Variants in PCDH15 observed in about 807,000 individuals in gnomAD.
PCDH15 encodes the protein protocadherin related 15.
PCDH15 carries 129 observed loss-of-function variants against 178.5 expected under a neutral mutation model. That is an observed-to-expected ratio of 0.72 (90% CI 0.63 to 0.84). The LOEUF is 0.84. Among genes scored for constraint, PCDH15 ranks in the 40% least tolerant of loss-of-function variants. PCDH15 has a pLI of 0.00. For missense variants in PCDH15, 2,230 were observed against 2,099.9 expected (o/e 1.06, Z -1.21); for synonymous variants, 800 against 732.0 (o/e 1.09, Z -1.50).
chr10:54,490,659 G>T (rs16906201), intron 3 of PCDH15, among the ~76,000 whole-genome samples: 1 of 151,878 alleles, frequency 6.6e-6, no homozygotes, highest in Non-Finnish European at 1.5e-5. Flanking sequence ...CATCCCACCC[G>T]ATCCGCTGAA....
chr10:54,934,305 C>A (rs974828237), intron 2 of PCDH15, among the ~76,000 whole-genome samples: 1 of 151,900 alleles, frequency 6.6e-6, no homozygotes, highest in African/African-American at 2.4e-5. Context: ...GAGAGAGGAC[C>A]AGAAAATATT....
At chr10:54,377,789 C>A (rs1948662630) in intron 4 of PCDH15, among the ~76,000 whole-genome samples, 1 of 152,076 alleles carries the variant, frequency 6.6e-6, no homozygotes, top group Admixed American at 6.6e-5. Flanking sequence ...AATCCACTAC[C>A]CTCTGCCCCT....
intron 5 of PCDH15, among the ~76,000 whole-genome samples, chr10:54,347,787 C>T (rs1718801803): frequency 6.6e-6 from 1 of 152,082 alleles, no homozygotes; most frequent in Admixed American, 6.5e-5. Context: ...GCTACCAAGT[C>T]TTCTAATATT....
rs374838856 is a variant in PCDH15, at chr10:54,079,409, G to A, written c.2013C>T (p.Thr671=). Residue 671 remains threonine, a synonymous_variant, in exon 17 of 38, where the codon ACC becomes ACT. Coordinates refer to ENST00000644397, the MANE Select transcript of PCDH15 (RefSeq NM_001384140.1). ...TTTCCCTGTCCAGTGCTTTCCCTAAGGTTAGAATCCCCGTGCTAGTGACAA... is the reference window on the plus strand; with the variant it reads ...TTTCCCTGTCCAGTGCTTTCCCTAAAGTTAGAATCCCCGTGCTAGTGACAA... The part of the protein sequence containing the change: ...FNLSETTGIL[T]LGKALDREST... 1.2e-6 allele frequency: 2 copies of A among 1,614,010 alleles called. No homozygotes were observed. Among genetic ancestry groups the A allele is most frequent in the Admixed American group, 1.7e-5 (1 of 60,006 alleles).
At chr10:54,934,065 A>T (rs1646065225) in intron 2 of PCDH15, among the ~76,000 whole-genome samples, 1 of 152,190 alleles carries the variant, frequency 6.6e-6, no homozygotes, top group Non-Finnish European at 1.5e-5. Flanking sequence ...TCCTAAAATA[A>T]CGTCATGTAT....
intron 1 of PCDH15, among the ~76,000 whole-genome samples, chr10:55,307,666 CAA>C (rs1019251224): frequency 3.0e-4 from 46 of 151,816 alleles, no homozygotes; most frequent in African/African-American, 1.0e-3. Context: ...TGTTATATCA[CAA>C]AGAGATTTGC....
At chr10:55,008,661 C>T (rs755776862) in intron 2 of PCDH15, among the ~76,000 whole-genome samples, 1 of 151,986 alleles carries the variant, frequency 6.6e-6, no homozygotes, top group Middle Eastern at 3.2e-3. Flanking sequence ...GCATAATACC[C>T]CCAGCAACAA....
At chr10:54,874,824 T>C (rs777563515) in intron 3 of PCDH15, among the ~76,000 whole-genome samples, 1 of 152,190 alleles carries the variant, frequency 6.6e-6, no homozygotes, top group Non-Finnish European at 1.5e-5. Context: ...TATCAAGTAA[T>C]GTTTTACACT....
chr10:54,829,251 C>A (rs545913431), intron 3 of PCDH15, among the ~76,000 whole-genome samples: 195 of 151,974 alleles, frequency 1.3e-3, no homozygotes, highest in African/African-American at 4.5e-3. Flanking sequence ...GAAGTGGAAG[C>A]AGAGAGACTA....
At chr10:55,042,313 G>A (rs969097434) in intron 2 of PCDH15, among the ~76,000 whole-genome samples, 3 of 152,048 alleles carry the variant, frequency 2.0e-5, no homozygotes, top group Non-Finnish European at 4.4e-5. Context: ...ACAGAATTCT[G>A]ACATCATGAA....
At chr10:53,828,724 G>A (rs4935096) in intron 30 of PCDH15, 151 bp from the exon 31 acceptor site, 1 of 651,486 alleles carries the variant, frequency 1.5e-6, no homozygotes, top group Non-Finnish European at 2.7e-6. Flanking sequence ...GAAAACTAAG[G>A]ATATCAATTC....
chr10:54,497,898 T>C (rs1269842433), intron 3 of PCDH15, among the ~76,000 whole-genome samples: 4 of 152,208 alleles, frequency 2.6e-5, no homozygotes, highest in East Asian at 1.9e-4. Context: ...ATATTGTCTA[T>C]GAAAATTTCT....
At chr10:54,001,174 A>G (rs2092117187) in intron 20 of PCDH15, among the ~76,000 whole-genome samples, 3 of 152,186 alleles carry the variant, frequency 2.0e-5, no homozygotes, top group African/African-American at 7.2e-5. Context: ...GACCTGTCCT[A>G]TAAGAAATTC....
chr10:54,415,433 A>C (rs1161999786), intron 3 of PCDH15, among the ~76,000 whole-genome samples: 1 of 152,078 alleles, frequency 6.6e-6, no homozygotes, highest in Non-Finnish European at 1.5e-5. Context: ...AGAAGTACTA[A>C]AGTAAGTAAC....
intron 2 of PCDH15, among the ~76,000 whole-genome samples, chr10:54,920,074 G>A (rs953008369): frequency 2.0e-5 from 3 of 152,036 alleles, no homozygotes; most frequent in Non-Finnish European, 4.4e-5. Context: ...TACTCCTCTC[G>A]TTTTGAGTTG....
chr10:53,956,374 A>G (rs2087616109), intron 23 of PCDH15, among the ~76,000 whole-genome samples: 1 of 152,194 alleles, frequency 6.6e-6, no homozygotes, highest in African/African-American at 2.4e-5. Flanking sequence ...AAAAGAATGA[A>G]GAGATAATTG....
At chr10:54,994,088 A>AATCC (rs1839576807) in intron 2 of PCDH15, among the ~76,000 whole-genome samples, 2 of 152,176 alleles carry the variant, frequency 1.3e-5, no homozygotes, top group Admixed American at 1.3e-4. Flanking sequence ...TCCCACAGAG[A>AATCC]ATCCATGGAT....
intron 2 of PCDH15, among the ~76,000 whole-genome samples, chr10:55,479,703 G>A (rs553946621): frequency 6.6e-6 from 1 of 151,588 alleles, no homozygotes; most frequent in South Asian, 2.1e-4. Flanking sequence ...TTGGAAAGAA[G>A]AAAGTCAAAT....
intron 5 of PCDH15, among the ~76,000 whole-genome samples, chr10:54,350,648 A>G (rs1944027526): frequency 6.6e-6 from 1 of 152,258 alleles, no homozygotes; most frequent in Non-Finnish European, 1.5e-5. Context: ...AGATGCAAAA[A>G]AGCAGAAGAA....
Sources: allele counts gnomAD v4.1 joint callset (sites outside exome capture counted in the v4.1 genomes callset), GRCh38; gene constraint gnomAD v4.1.1; transcripts MANE v1.5; gene names NCBI Gene and HGNC (gene_info 2026-07-23, HGNC 2026-07-21).